Variants in TRHR observed in about 807,000 individuals in gnomAD.
TRHR encodes thyrotropin-releasing hormone receptor.
Under a neutral mutation model 28.0 loss-of-function variants are expected in TRHR, and 14 were observed. The ratio of observed to expected loss-of-function variants is 0.50; its 90% CI spans 0.33 to 0.78. The LOEUF is 0.78. Among genes scored for constraint, TRHR ranks in the 30% least tolerant of loss-of-function variants. The pLI is 0.02. For synonymous variants in TRHR, 176 were observed against 171.9 expected (o/e 1.02, Z -0.18); for missense variants, 438 against 469.5 (o/e 0.93, Z 0.62).
At chr8:109,117,236 G>A (rs1287983924) in intron 2 of TRHR, among the ~76,000 whole-genome samples, 2 of 151,888 alleles carry the variant, frequency 1.3e-5, no homozygotes, top group Non-Finnish European at 2.9e-5. Flanking sequence ...AAAGGGCAAA[G>A]TATATAGGAA....
intron 2 of TRHR, among the ~76,000 whole-genome samples, chr8:109,098,858 A>T (rs893049587): frequency 6.6e-6 from 1 of 151,982 alleles, no homozygotes; most frequent in African/African-American, 2.4e-5. Context: ...TTCCCTTTAT[A>T]TCACTTTGTG....
intron 2 of TRHR, among the ~76,000 whole-genome samples, chr8:109,110,357 C>T (rs1032256526): frequency 3.9e-5 from 6 of 152,028 alleles, no homozygotes; most frequent in South Asian, 2.1e-4. Context: ...TGTACTCCAG[C>T]CTGGGTGACA....
At chr8:109,114,855 A>G (rs1026387351) in intron 2 of TRHR, among the ~76,000 whole-genome samples, 4 of 152,086 alleles carry the variant, frequency 2.6e-5, no homozygotes, top group African/African-American at 9.7e-5. Flanking sequence ...GATTTAAGGT[A>G]CATGATTGCA....
chr8:109,098,076 ATCTCCTGCCTTGCCACATG>A (rs1438701892), intron 2 of TRHR, among the ~76,000 whole-genome samples: 83 of 151,402 alleles, frequency 5.5e-4, no homozygotes, highest in Non-Finnish European at 9.9e-4. Context: ...AAGAAGGCTG[ATCTCCTGCCTTGCCACATG>A]TGAAGAAGCC....
chr8:109,119,470 G>T lies in TRHR; in HGVS notation c.*15G>T. The T allele has an allele frequency of 6.2e-7, 1 of 1,610,258 alleles. No individual in the cohort carries two copies. The highest frequency in any genetic ancestry group is 8.5e-7 in the Non-Finnish European group (1 of 1,178,672). On this transcript the variant is annotated 3_prime_UTR_variant, in exon 3 of 3. Coordinates refer to ENST00000518632, the MANE Select transcript of TRHR (RefSeq NM_003301.7). ...GCCAAAGTTGATTCATGAATTAGAA[G>T]AAAATGGATGACAAAGAAAATGAGA...
chr8:109,097,697 C>T (rs73311312), intron 2 of TRHR, among the ~76,000 whole-genome samples: 5,616 of 152,228 alleles, frequency 0.037, 342 homozygotes, highest in African/African-American at 0.13. Flanking sequence ...CAAGAAGACC[C>T]TCCAGTCTGC....
chr8:109,111,754 T>C (rs1477450378), intron 2 of TRHR, among the ~76,000 whole-genome samples: 1 of 152,184 alleles, frequency 6.6e-6, no homozygotes, highest in Admixed American at 6.6e-5. Context: ...TCCCAACCTT[T>C]TGTGCAGTAC....
intron 2 of TRHR, among the ~76,000 whole-genome samples, chr8:109,114,691 C>G (rs1193511538): frequency 6.6e-6 from 1 of 152,086 alleles, no homozygotes; most frequent in African/African-American, 2.4e-5. Context: ...TCTGCAAGAA[C>G]AGTCTTCTCG....
intron 2 of TRHR, among the ~76,000 whole-genome samples, chr8:109,099,529 G>A (rs1384107071): frequency 6.6e-6 from 1 of 152,188 alleles, no homozygotes; most frequent in Non-Finnish European, 1.5e-5. Flanking sequence ...TAAAACAGAA[G>A]TCATGGTCTT....
chr8:109,095,370 C>G (rs1811573388), intron 2 of TRHR, among the ~76,000 whole-genome samples: 1 of 151,890 alleles, frequency 6.6e-6, no homozygotes, highest in Non-Finnish European at 1.5e-5. Flanking sequence ...TGTCTACAAG[C>G]AGCTATAAAG....
At chr8:109,117,970 T>G (rs1187726863) in intron 2 of TRHR, among the ~76,000 whole-genome samples, 1 of 151,958 alleles carries the variant, frequency 6.6e-6, no homozygotes, top group African/African-American at 2.4e-5. Flanking sequence ...CAGTGAACAG[T>G]GAGCAATCTG....
rs908519851 is a variant in TRHR at position 109,087,663 on chromosome 8, A to C, written c.151A>C (p.Met51Leu). 2 of 1,614,110 alleles carry C rather than the reference A, an allele frequency of 1.2e-6. No homozygotes were observed. Among genetic ancestry groups the C allele is most frequent in the Admixed American group, 1.7e-5 (1 of 60,006 alleles). ...CAACATCATGGTAGTCCTGGTTGTCATGAGAACCAAGCACATGAGGACCCC... is the reference window on the plus strand; with the variant it reads ...CAACATCATGGTAGTCCTGGTTGTCCTGAGAACCAAGCACATGAGGACCCC... ...VGNIMVVLVV[M>L]RTKHMRTPTN... The change falls in exon 2 of 3, where the codon ATG becomes CTG. Residue 51 changes from methionine (M) to leucine (L), a missense_variant. Coordinates refer to ENST00000518632, the MANE Select transcript of TRHR (RefSeq NM_003301.7).
chr8:109,103,320 T>C (rs1255781414), intron 2 of TRHR, among the ~76,000 whole-genome samples: 1 of 152,138 alleles, frequency 6.6e-6, no homozygotes, highest in Non-Finnish European at 1.5e-5. Context: ...TTTAAAGAAT[T>C]CTAGAAACAC....
intron 2 of TRHR, among the ~76,000 whole-genome samples, chr8:109,106,798 C>T (rs1811758284): frequency 6.6e-6 from 1 of 152,148 alleles, no homozygotes; most frequent in African/African-American, 2.4e-5. Flanking sequence ...CTATTTTTCT[C>T]ATTTGTTTAT....
chr8:109,086,677 G>GCTGCTT lies in TRHR; in HGVS notation c.-284_-279dup, dbSNP rs1267573247. The GCTGCTT allele has an allele frequency of 6.5e-6, 1 of 153,802 alleles. No homozygotes were observed. Among genetic ancestry groups the GCTGCTT allele is most frequent in the African/African-American group, 2.4e-5 (1 of 41,576 alleles). 9.5% of individuals were successfully genotyped at this position (153,802 alleles called of 1,614,324 possible). On this transcript the variant is annotated 5_prime_UTR_variant, in exon 1 of 3. Transcript: ENST00000518632. ...CAGCCTCACTGCTGCTGCTCCTGCT[G>GCTGCTT]CTGCTTCTGCTTCTGCCGCGGCTGT...
Position 109,119,283 on chromosome 8 carries a change from C to T in TRHR, c.1025C>T (p.Thr342Ile), listed in dbSNP as rs750423310. The T allele has an allele frequency of 5.0e-6, 8 of 1,612,748 alleles. No individual in the cohort carries two copies. The East Asian group carries it at 1.6e-4, about 31-fold the overall frequency. ...RKLCNCKQKP[T>I]EKPANYSVAL... ...CTCTGCAACTGCAAGCAGAAGCCAA[C>T]AGAGAAACCTGCTAACTACAGTGTG... is the stretch of plus-strand genomic sequence containing the variant. The change falls in exon 3 of 3, where the codon ACA (threonine) becomes ATA (isoleucine). Residue 342 changes from threonine to isoleucine, a missense_variant. Thr to Ile is a moderately conservative substitution (Grantham distance 89). Coordinates refer to ENST00000518632, the MANE Select transcript of TRHR (RefSeq NM_003301.7).
chr8:109,087,890 A>G lies in TRHR; in HGVS notation c.378A>G (p.Ala126=). The change falls in exon 2 of 3, where the codon GCA becomes GCG. Residue 126 remains alanine (A), a synonymous_variant. Transcript: ENST00000518632. ...CCTTTACCATTGAGAGGTACATAGC[A>G]ATCTGTCACCCCATCAAAGCCCAGT... ...ITAFTIERYI[A]ICHPIKAQFL... is the part of the protein sequence containing the mutation. The G allele has an allele frequency of 6.2e-7, 1 of 1,614,218 alleles. No homozygotes were observed. The highest frequency in any genetic ancestry group is 8.5e-7 in the Non-Finnish European group (1 of 1,180,032).
intron 2 of TRHR, among the ~76,000 whole-genome samples, chr8:109,093,400 C>CTTTTCTTTT (rs1811542881): frequency 1.3e-5 from 1 of 77,394 alleles, no homozygotes; most frequent in African/African-American, 5.4e-5. Context: ...GTGCTATTTA[C>CTTTTCTTTT]TTTTTTTTTT....
intron 2 of TRHR, among the ~76,000 whole-genome samples, chr8:109,112,436 T>A (rs1028236447): frequency 8.5e-5 from 13 of 152,332 alleles, no homozygotes; most frequent in African/African-American, 3.1e-4. Context: ...ATAAATGGCA[T>A]ACTATTAACT....
Sources: allele counts gnomAD v4.1 joint callset (sites outside exome capture counted in the v4.1 genomes callset), GRCh38; gene constraint gnomAD v4.1.1; transcripts MANE v1.5; gene names NCBI Gene and HGNC (gene_info 2026-07-23, HGNC 2026-07-21).